The following RIN3 variants were observed in gnomAD, a reference collection of about 807,000 sequenced individuals.
RIN3 encodes the protein RAB5 interacting protein 3.
Under a neutral mutation model 76.3 loss-of-function variants are expected in RIN3, and 54 were observed. The observed-to-expected ratio is 0.71, with a 90% CI of 0.57 to 0.89. The LOEUF (loss-of-function observed/expected upper bound fraction) is 0.89. RIN3 is among the 40% of genes least tolerant of loss of function. RIN3 has a pLI of 0.00. For synonymous variants in RIN3, 576 were observed against 564.0 expected (o/e 1.02, Z -0.30); for missense variants, 1,256 against 1,322.1 (o/e 0.95, Z 0.78).
At chr14:92,535,827 A>C (rs898650444) in intron 1 of RIN3, among the ~76,000 whole-genome samples, 1 of 146,592 alleles carries the variant, frequency 6.8e-6, no homozygotes, top group South Asian at 2.2e-4. Flanking sequence ...GGCATGTGCC[A>C]CCACGCCTGG....
chr14:92,633,440 G>C (rs1224365340), intron 4 of RIN3, among the ~76,000 whole-genome samples: 1 of 152,236 alleles, frequency 6.6e-6, no homozygotes, highest in Non-Finnish European at 1.5e-5. Context: ...TCCCAGAGGA[G>C]GAGATGGCAA....
chr14:92,638,092 G>A (rs956670948), intron 4 of RIN3, among the ~76,000 whole-genome samples: 1 of 152,150 alleles, frequency 6.6e-6, no homozygotes, highest in African/African-American at 2.4e-5. Context: ...TCCTCTGGAC[G>A]GAAGAGGTGC....
intron 1 of RIN3, among the ~76,000 whole-genome samples, chr14:92,525,429 G>T (rs72631619): frequency 1.3e-5 from 2 of 152,306 alleles, no homozygotes; most frequent in African/African-American, 4.8e-5. Context: ...GGTGCTGAGC[G>T]AGAGATTGAG....
rs149644764 is a variant in RIN3, at chr14:92,608,609, A to G, written c.368-6798A>G. 4.4e-3 allele frequency among the ~76,000 whole-genome samples: 671 copies of G among 151,840 alleles called. 3 individuals are homozygous for G. The highest frequency in any genetic ancestry group is 0.015 in the African/African-American group (637 of 41,366). On this transcript the variant is annotated intron_variant, in intron 3 of 9. Transcript: ENST00000216487. Reference sequence around the variant, plus strand: ...GAGTGCAGTGGCACGATCTTGGCTCACTACAACCTCTGTCTCCTGGGTTCA... The same window carrying G: ...GAGTGCAGTGGCACGATCTTGGCTCGCTACAACCTCTGTCTCCTGGGTTCA...
chr14:92,603,006 C>T (rs1290102802), intron 3 of RIN3, among the ~76,000 whole-genome samples: 2 of 152,216 alleles, frequency 1.3e-5, no homozygotes, highest in Non-Finnish European at 2.9e-5. Flanking sequence ...ATCACTTTCC[C>T]GTTGGCCTCC....
intron 1 of RIN3, among the ~76,000 whole-genome samples, chr14:92,548,755 A>G (rs1282348325): frequency 6.6e-6 from 1 of 151,946 alleles, no homozygotes; most frequent in Non-Finnish European, 1.5e-5. Flanking sequence ...GGATGATCTC[A>G]TCTCAGTAGC....
At chr14:92,560,920 T>G (rs1392217820) in intron 2 of RIN3, among the ~76,000 whole-genome samples, 12 of 146,532 alleles carry the variant, frequency 8.2e-5, no homozygotes, top group Non-Finnish European at 1.3e-4. Flanking sequence ...CTCAGGAGGC[T>G]GAGGCAGGAG....
intron 3 of RIN3, among the ~76,000 whole-genome samples, chr14:92,603,216 G>C (rs902111745): frequency 2.0e-5 from 3 of 152,200 alleles, no homozygotes; most frequent in African/African-American, 7.2e-5. Context: ...TCCAGGGCCA[G>C]CTCCAGAGGC....
chr14:92,629,523 A>G (rs886701739), intron 4 of RIN3, among the ~76,000 whole-genome samples: 5 of 152,232 alleles, frequency 3.3e-5, no homozygotes, highest in African/African-American at 9.6e-5. Flanking sequence ...TAAAGATACA[A>G]AGTCATTTAC....
At chr14:92,606,790 C>T (rs116048875) in intron 3 of RIN3, among the ~76,000 whole-genome samples, 28 of 152,286 alleles carry the variant, frequency 1.8e-4, no homozygotes, top group African/African-American at 6.5e-4. Context: ...AAATTAGAAT[C>T]CTCACGGTGG....
At chr14:92,671,206 G>A (rs1248933137) in intron 7 of RIN3, among the ~76,000 whole-genome samples, 1 of 152,184 alleles carries the variant, frequency 6.6e-6, no homozygotes, top group Non-Finnish European at 1.5e-5. Flanking sequence ...TGAAGAAGGG[G>A]GCAGGCTCTG....
At position 92,651,861 on chromosome 14, in the gene RIN3, C is replaced by A; in HGVS notation, c.812C>A (p.Pro271His). Residue 271 changes from proline (P) to histidine (H), a missense_variant, in exon 6 of 10, where the codon CCC (proline) becomes CAC (histidine). This residue lies in a region of RIN3 where 610 missense variants were observed against 626.4 expected (regional missense o/e 0.97). Coordinates refer to ENST00000216487, the MANE Select transcript of RIN3 (RefSeq NM_024832.5). ...PLPPTSDATS[P>H]TSRWAPRRPP... The stretch of plus-strand genomic sequence containing the variant: ...CCGCCCACCTCTGATGCCACCTCAC[C>A]CACCTCCAGGTGGGCCCCACGCCGC... The A allele has an allele frequency of 1.2e-6, 2 of 1,609,592 alleles. No homozygotes were observed. The highest frequency in any genetic ancestry group is 1.7e-6 in the Non-Finnish European group (2 of 1,177,310).
chr14:92,598,788 T>C (rs1885241040), intron 3 of RIN3, among the ~76,000 whole-genome samples: 1 of 152,154 alleles, frequency 6.6e-6, no homozygotes, highest in Admixed American at 6.5e-5. Flanking sequence ...TAGAGAATTA[T>C]AGAAGACATT....
At chr14:92,545,211 G>A (rs1174488053) in intron 1 of RIN3, among the ~76,000 whole-genome samples, 3 of 142,968 alleles carry the variant, frequency 2.1e-5, no homozygotes, top group Non-Finnish European at 3.0e-5. Flanking sequence ...CCGGGTTCAT[G>A]CCATTCTCCT....
intron 3 of RIN3, among the ~76,000 whole-genome samples, chr14:92,585,630 T>C (rs948988408): frequency 2.0e-5 from 3 of 152,136 alleles, no homozygotes; most frequent in African/African-American, 7.2e-5. Context: ...CAGGTTTTTT[T>C]GTTTGTTTGT....
At position 92,557,304 on chromosome 14, in the gene RIN3, GAC is replaced by G. The variant is rs1294534057; in HGVS notation, c.249+1353_249+1354del. Among the ~76,000 whole-genome samples, 4 of 152,340 alleles carry G rather than the reference GAC, an allele frequency of 2.6e-5. No individual in the cohort carries two copies. In the East Asian group the frequency reaches 7.7e-4, roughly 29 times the overall value. On this transcript the variant is annotated intron_variant, in intron 2 of 9. Coordinates refer to ENST00000216487, the MANE Select transcript of RIN3 (RefSeq NM_024832.5). Reference sequence around the variant, plus strand: ...AGGCATTGAGTGCCCTCCCCCAGGGGACACAGTGAGTAAATAGCAGAGTGGGA... The same window carrying G: ...AGGCATTGAGTGCCCTCCCCCAGGGGACAGTGAGTAAATAGCAGAGTGGGA...
intron 7 of RIN3, among the ~76,000 whole-genome samples, chr14:92,673,119 A>G (rs1888342932): frequency 6.6e-6 from 1 of 152,116 alleles, no homozygotes; most frequent in East Asian, 1.9e-4. Flanking sequence ...TGTCTCTACC[A>G]AAAATACAAA....
intron 1 of RIN3, among the ~76,000 whole-genome samples, chr14:92,536,479 C>T (rs1378812931): frequency 6.6e-6 from 1 of 152,162 alleles, no homozygotes; most frequent in African/African-American, 2.4e-5. Flanking sequence ...AGCAGTGACT[C>T]ACATCTGTAA....
intron 1 of RIN3, among the ~76,000 whole-genome samples, chr14:92,540,853 G>A (rs1271240327): frequency 6.6e-6 from 1 of 152,236 alleles, no homozygotes; most frequent in Non-Finnish European, 1.5e-5. Flanking sequence ...ATGCTGGAAG[G>A]AACCTTAGTC....
Sources: gnomAD v4.1 joint callset for allele counts (sites outside exome capture counted in the v4.1 genomes callset) on GRCh38, gnomAD v4.1.1 for gene constraint, gnomAD v4.1.1 regional missense constraint, MANE v1.5 for transcripts, NCBI Gene and HGNC (gene_info 2026-07-23, HGNC 2026-07-21) for gene names.